Variants in PVT1 observed in about 807,000 individuals in gnomAD.
The protein encoded by PVT1 is Pvt1 oncogene.
chr8:127,888,466 C>T (rs1216797082), intron 2 of PVT1, among the ~76,000 whole-genome samples: 2 of 152,168 alleles, frequency 1.3e-5, no homozygotes, highest in Non-Finnish European at 2.9e-5. Flanking sequence ...CCCTAAATGT[C>T]CACATCCGAA....
At chr8:127,996,832 A>G (rs1817109840) in intron 4 of PVT1, among the ~76,000 whole-genome samples, 1 of 151,976 alleles carries the variant, frequency 6.6e-6, no homozygotes, top group Admixed American at 6.5e-5. Flanking sequence ...GTGAAGCCGG[A>G]AAGGAGACCT....
intron 5 of PVT1, among the ~76,000 whole-genome samples, chr8:128,081,865 G>C (rs1814185279): frequency 6.6e-6 from 1 of 152,170 alleles, no homozygotes. Context: ...AACTATTGTA[G>C]ATCCGTAGAC....
intron 2 of PVT1, among the ~76,000 whole-genome samples, chr8:127,815,852 G>A (rs1383538558): frequency 6.6e-6 from 1 of 152,128 alleles, no homozygotes; most frequent in African/African-American, 2.4e-5. Flanking sequence ...AAGGCTGGGT[G>A]TGGTGGCTCA....
intron 2 of PVT1, among the ~76,000 whole-genome samples, chr8:127,806,433 C>T (rs1271575494): frequency 6.6e-6 from 1 of 151,910 alleles, no homozygotes; most frequent in East Asian, 1.9e-4. Flanking sequence ...TGCATGCCAG[C>T]CTGGACACAG....
chr8:127,953,031 T>A (rs1290447014), intron 3 of PVT1, among the ~76,000 whole-genome samples: 1 of 152,342 alleles, frequency 6.6e-6, no homozygotes, highest in East Asian at 1.9e-4. Flanking sequence ...CCGAAAGTGC[T>A]GGGATTACAG....
intron 4 of PVT1, among the ~76,000 whole-genome samples, chr8:128,023,598 CTGAA>C (rs781569149): frequency 2.0e-5 from 3 of 152,318 alleles, no homozygotes; most frequent in Middle Eastern, 6.8e-3. Context: ...TTTGGAATGA[CTGAA>C]TGGTCTTATA....
chr8:127,878,532 C>T (rs1034306811), intron 2 of PVT1, among the ~76,000 whole-genome samples: 5 of 152,142 alleles, frequency 3.3e-5, no homozygotes, highest in African/African-American at 1.2e-4. Flanking sequence ...CATTGCATCC[C>T]TCCCTCTTTT....
chr8:127,847,904 A>G (rs1166286286), intron 2 of PVT1, among the ~76,000 whole-genome samples: 1 of 149,758 alleles, frequency 6.7e-6, no homozygotes, highest in Non-Finnish European at 1.5e-5. Context: ...CATGAAGAAG[A>G]TTTTTTTTTT....
At chr8:128,005,815 G>T (rs544320450) in intron 4 of PVT1, among the ~76,000 whole-genome samples, 2 of 152,068 alleles carry the variant, frequency 1.3e-5, no homozygotes, top group South Asian at 2.1e-4. Flanking sequence ...TCTAAAAGAC[G>T]TTTCAAGGCC....
intron 4 of PVT1, among the ~76,000 whole-genome samples, chr8:128,060,640 A>G (rs924701359): frequency 3.9e-5 from 6 of 152,200 alleles, no homozygotes; most frequent in Admixed American, 3.9e-4. Context: ...CCCAGGTGGC[A>G]TGGGGTCCTT....
intron 5 of PVT1, among the ~76,000 whole-genome samples, chr8:128,078,907 C>A (rs1023996175): frequency 2.0e-5 from 3 of 152,064 alleles, no homozygotes; most frequent in African/African-American, 7.2e-5. Flanking sequence ...CACCTCAGCA[C>A]CCCCCGAGTA....
Position 127,853,907 on chromosome 8 carries a change from A to G in PVT1, n.373-36682A>G, listed in dbSNP as rs1343829828. On this transcript the variant is annotated intron_variant and non_coding_transcript_variant, in intron 2 of 10. Transcript: ENST00000651587. ...AGCATTGTTTACATCCCAGCTTTTC[A>G]CTGACCCTTCCTTTACCCCCGCCCC... Among the ~76,000 whole-genome samples, 7 of 151,434 alleles carry G rather than the reference A, an allele frequency of 4.6e-5. No homozygotes were observed. The East Asian group carries it at 1.4e-3, about 29-fold the overall frequency.
chr8:127,878,151 T>G (rs1361892947), intron 2 of PVT1, among the ~76,000 whole-genome samples: 1 of 152,090 alleles, frequency 6.6e-6, no homozygotes, highest in Non-Finnish European at 1.5e-5. Context: ...CCCTGAGGGA[T>G]TTTGTGGGCA....
At position 127,848,981 on chromosome 8, in the gene PVT1, G is replaced by A. The variant is rs1023758138; in HGVS notation, n.373-41608G>A. Among the ~76,000 whole-genome samples the A allele has an allele frequency of 2.0e-5, 3 of 152,198 alleles. No homozygotes were observed. In the East Asian group the frequency reaches 5.8e-4, roughly 29 times the overall value. On this transcript the variant is annotated intron_variant and non_coding_transcript_variant, in intron 2 of 10. Coordinates refer to ENST00000651587, the Ensembl canonical transcript of PVT1. ...GGAGGTGGGGTTGGAGACACAGCTGGGAGTCAGATCCCAGGGGCTCTCCTG... is the reference window on the plus strand; with the variant it reads ...GGAGGTGGGGTTGGAGACACAGCTGAGAGTCAGATCCCAGGGGCTCTCCTG...
chr8:127,833,341 C>A (rs748693930), intron 2 of PVT1, among the ~76,000 whole-genome samples: 1 of 152,190 alleles, frequency 6.6e-6, no homozygotes, highest in Non-Finnish European at 1.5e-5. Flanking sequence ...GTGATGGTGT[C>A]TGCAGAGATG....
At chr8:128,013,100 A>T (rs950902495) in intron 4 of PVT1, among the ~76,000 whole-genome samples, 2 of 152,144 alleles carry the variant, frequency 1.3e-5, no homozygotes, top group African/African-American at 4.8e-5. Flanking sequence ...ATTTGAGGTC[A>T]TAGTCTATGG....
chr8:127,865,029 C>T (rs999975994), intron 2 of PVT1, among the ~76,000 whole-genome samples: 28 of 152,308 alleles, frequency 1.8e-4, no homozygotes, highest in African/African-American at 6.3e-4. Flanking sequence ...GGGCTGTAGA[C>T]GGCAGGCCTG....
At chr8:127,853,454 T>C (rs957249129) in intron 2 of PVT1, among the ~76,000 whole-genome samples, 1 of 152,082 alleles carries the variant, frequency 6.6e-6, no homozygotes, top group Admixed American at 6.6e-5. Flanking sequence ...GTGACCTGAA[T>C]GTTGGGCACG....
chr8:127,921,882 G>T (rs1816065156), intron 3 of PVT1, among the ~76,000 whole-genome samples: 1 of 56,684 alleles, frequency 1.8e-5, no homozygotes, highest in African/African-American at 5.2e-5. Flanking sequence ...TTTTTTTGAG[G>T]CAGAGTCTTG....
Sources: allele counts gnomAD v4.1 joint callset (sites outside exome capture counted in the v4.1 genomes callset), GRCh38; gene constraint gnomAD v4.1.1; transcripts MANE v1.5; gene names NCBI Gene and HGNC (gene_info 2026-07-23, HGNC 2026-07-21).